TULP4: variants seen among roughly 807,000 people sequenced by gnomAD.
The protein encoded by TULP4 is TUB like protein 4.
A neutral mutation model predicts 129.0 loss-of-function variants in TULP4; 16 were observed. The observed-to-expected ratio is 0.12, with a 90% CI of 0.08 to 0.19. The LOEUF (loss-of-function observed/expected upper bound fraction) is 0.19, where lower values mean the gene tolerates loss of function less well. Among genes scored for constraint, TULP4 ranks in the 10% least tolerant of loss-of-function variants. The pLI, the probability that TULP4 is intolerant of heterozygous loss-of-function variation, is 1.00. For synonymous variants in TULP4, 998 were observed against 854.0 expected (o/e 1.17, Z -2.94); for missense variants, 1,842 against 2,059.1 (o/e 0.89, Z 2.04).
intron 11 of TULP4, among the ~76,000 whole-genome samples, chr6:158,496,174 G>A (rs1780334045): frequency 6.6e-6 from 1 of 152,218 alleles, no homozygotes; most frequent in African/African-American, 2.4e-5. Flanking sequence ...TTTCCCAGTT[G>A]CAGAATCACT....
chr6:158,245,511 G>A (rs981768577), intron 1 of TULP4, among the ~76,000 whole-genome samples: 3 of 152,144 alleles, frequency 2.0e-5, no homozygotes, highest in Non-Finnish European at 1.5e-5. Context: ...AGACATTGAT[G>A]CACTCAGTCC....
chr6:158,344,440 T>C (rs527284768), intron 1 of TULP4, among the ~76,000 whole-genome samples: 17 of 152,342 alleles, frequency 1.1e-4, no homozygotes, highest in South Asian at 2.1e-4. Context: ...AGCAAGTCTT[T>C]CGGTGCCATG....
intron 1 of TULP4, among the ~76,000 whole-genome samples, chr6:158,272,773 T>A (rs1408882963): frequency 6.6e-6 from 1 of 152,182 alleles, no homozygotes; most frequent in Non-Finnish European, 1.5e-5. Context: ...GTTTCTAGAG[T>A]GTTTCAGTCA....
Position 158,482,359 on chromosome 6 carries a change from G to A in TULP4, c.1486+1070G>A, listed in dbSNP as rs186491705. 5.3e-5 allele frequency among the ~76,000 whole-genome samples: 8 copies of A among 152,202 alleles called. No individual in the cohort carries two copies. The East Asian group carries it at 9.6e-4, about 18-fold the overall frequency. On this transcript the variant is annotated intron_variant, in intron 8 of 13. Coordinates refer to ENST00000367097, the MANE Select transcript of TULP4 (RefSeq NM_020245.5). The stretch of plus-strand genomic sequence containing the variant: ...TGCCAGCCTTCATTTGTTCAGCATC[G>A]GCAGTGACACTCTACTACCCCTGCA...
chr6:158,394,786 CAAAAAA>C (rs71030166), intron 1 of TULP4, among the ~76,000 whole-genome samples: 52 of 46,010 alleles, frequency 1.1e-3, no homozygotes, highest in African/African-American at 2.5e-3. Context: ...GGCTCTGTCT[CAAAAAA>C]AAAAAAAAAA....
chr6:158,296,900 GA>G (rs1471565442), intron 1 of TULP4, among the ~76,000 whole-genome samples: 1 of 152,178 alleles, frequency 6.6e-6, no homozygotes, highest in Non-Finnish European at 1.5e-5. Context: ...GAGGAAACAG[GA>G]CAAGGCAAAA....
chr6:158,403,396 A>G (rs764925880), intron 1 of TULP4, among the ~76,000 whole-genome samples: 1 of 152,056 alleles, frequency 6.6e-6, no homozygotes, highest in Non-Finnish European at 1.5e-5. Flanking sequence ...CTGGAGTGCA[A>G]TGGCGTGATC....
In TULP4 at chr6:158,462,708, G is replaced by A. The variant is rs183117730; in HGVS notation, c.1026+979G>A. On this transcript the variant is annotated intron_variant, in intron 6 of 13. Coordinates refer to ENST00000367097, the MANE Select transcript of TULP4 (RefSeq NM_020245.5). The stretch of plus-strand genomic sequence containing the variant: ...TGTAGATGTAATTTCTCTTACAAAA[G>A]GGTAACTCTTCAGAGTTTACCCTAT... 2.4e-3 allele frequency among the ~76,000 whole-genome samples: 367 copies of A among 149,880 alleles called. 1 individual carries two copies. The highest frequency in any genetic ancestry group is 8.6e-3 in the African/African-American group (353 of 40,844).
At position 158,493,211 on chromosome 6, in the gene TULP4, G is replaced by T. The variant is rs1780254581; in HGVS notation, c.1632-362G>T. Among the ~76,000 whole-genome samples, 1 of 152,198 alleles carries T rather than the reference G, an allele frequency of 6.6e-6. No homozygotes were observed. Among genetic ancestry groups the T allele is most frequent in the African/African-American group, 2.4e-5 (1 of 41,438 alleles). ...TAAGTATATTTTGAGATGGGGTCTT[G>T]CTCTGTCATCCAGGCTCAAGTGGAG... On this transcript the variant is annotated intron_variant, in intron 9 of 13. Transcript: ENST00000367097. This position sits in a 1 kb window ranked among gnomAD's most constrained non-coding sequence, Gnocchi z 4.4.
chr6:158,452,264 G>A lies in TULP4; in HGVS notation c.855G>A (p.Leu285=), dbSNP rs1250108408. The A allele has an allele frequency of 8.7e-6, 14 of 1,613,868 alleles. No individual in the cohort carries two copies. The highest frequency in any genetic ancestry group is 1.2e-5 in the Non-Finnish European group (14 of 1,179,948). ...DLSPTVIRSG[L]KEVVAQWCTQ... ...CTCCCACGGTCATCCGCTCAGGGCTGAAAGGTACAGAATGCTGCACACACC... is the reference window on the plus strand; with the variant it reads ...CTCCCACGGTCATCCGCTCAGGGCTAAAAGGTACAGAATGCTGCACACACC... Residue 285 remains leucine, a synonymous_variant, in exon 5 of 14, where the codon CTG becomes CTA. Coordinates refer to ENST00000367097, the MANE Select transcript of TULP4 (RefSeq NM_020245.5).
intron 1 of TULP4, among the ~76,000 whole-genome samples, chr6:158,359,114 A>G (rs761898084): frequency 6.6e-6 from 1 of 151,972 alleles, no homozygotes; most frequent in Non-Finnish European, 1.5e-5. Context: ...TTCTGCCCCT[A>G]ATTTGTTGTT....
chr6:158,445,620 G>C (rs969097577), intron 3 of TULP4, among the ~76,000 whole-genome samples: 1 of 152,162 alleles, frequency 6.6e-6, no homozygotes, highest in African/African-American at 2.4e-5. Context: ...AATTCTGTGT[G>C]GTGGGGCCCA....
intron 1 of TULP4, among the ~76,000 whole-genome samples, chr6:158,358,973 T>C (rs1780707114): frequency 6.6e-6 from 1 of 152,200 alleles, no homozygotes; most frequent in South Asian, 2.1e-4. Flanking sequence ...TGTGCCAATC[T>C]AAGCCGTTTC....
At chr6:158,252,180 A>G (rs1226110086) in intron 1 of TULP4, among the ~76,000 whole-genome samples, 2 of 152,102 alleles carry the variant, frequency 1.3e-5, no homozygotes, top group African/African-American at 2.4e-5. Context: ...AGTATTTTTC[A>G]TGGTTGGTTG....
At chr6:158,351,969 G>C (rs1780535965) in intron 1 of TULP4, among the ~76,000 whole-genome samples, 1 of 152,000 alleles carries the variant, frequency 6.6e-6, no homozygotes, top group African/African-American at 2.4e-5. Context: ...TGATGCGTCT[G>C]CCTTGGCCTC....
intron 11 of TULP4, among the ~76,000 whole-genome samples, chr6:158,497,559 C>T (rs1780359437): frequency 6.6e-6 from 1 of 152,108 alleles, no homozygotes; most frequent in Admixed American, 6.6e-5. Context: ...TTTTCTAATC[C>T]CTCCTAGAAT....
intron 1 of TULP4, among the ~76,000 whole-genome samples, chr6:158,292,828 C>T (rs1377367090): frequency 6.6e-6 from 1 of 152,164 alleles, no homozygotes; most frequent in Non-Finnish European, 1.5e-5. Context: ...AAAGGTTTTG[C>T]AGCATTTTAA....
intron 1 of TULP4, among the ~76,000 whole-genome samples, chr6:158,371,853 C>T (rs555282199): frequency 6.6e-6 from 1 of 152,304 alleles, no homozygotes; most frequent in East Asian, 1.9e-4. Flanking sequence ...CTCTTTCTGT[C>T]AGCCAGACTG....
upstream of TULP4, among the ~76,000 whole-genome samples, chr6:158,279,417 G>GTTCTTTTCCCTTCA (rs1417843067): frequency 2.0e-5 from 3 of 152,132 alleles, no homozygotes; most frequent in Admixed American, 6.5e-5. Context: ...ATGAAAATAT[G>GTTCTTTTCCCTTCA]TTCTTTTCCC....
Sources: gnomAD v4.1 joint callset for allele counts (sites outside exome capture counted in the v4.1 genomes callset) on GRCh38, gnomAD v4.1.1 for gene constraint, Gnocchi (gnomAD v3.1) non-coding constraint, MANE v1.5 for transcripts, NCBI Gene and HGNC (gene_info 2026-07-23, HGNC 2026-07-21) for gene names.